Variants in MGAT4C observed in about 807,000 individuals in gnomAD.
MGAT4C encodes the protein alpha-1,3-mannosyl-glycoprotein 4-beta-N-acetylglucosaminyltransferase C.
Under a neutral mutation model 40.1 loss-of-function variants are expected in MGAT4C, and 19 were observed. That is an observed-to-expected ratio of 0.47 (90% CI 0.33 to 0.70). The LOEUF (loss-of-function observed/expected upper bound fraction) is 0.70. Among genes scored for constraint, MGAT4C ranks in the 30% least tolerant of loss-of-function variants. The probability of loss-of-function intolerance (pLI) is 0.02; values close to 1 mark genes in which losing one functional copy is unlikely to be tolerated. For synonymous variants in MGAT4C, 181 were observed against 187.1 expected, an observed-to-expected ratio of 0.97 and a Z score of 0.27; for missense variants, 491 against 563.2, an observed-to-expected ratio of 0.87 and a Z score of 1.30.
chr12:86,003,968 AT>A lies in MGAT4C; in HGVS notation c.-6-14417del, dbSNP rs1458889488. 5.8e-4 allele frequency among the ~76,000 whole-genome samples: 89 copies of A among 152,240 alleles called. 1 individual carries two copies. The highest frequency in any genetic ancestry group is 8.8e-5 in the Non-Finnish European group (6 of 68,010). On this transcript the variant is annotated intron_variant, in intron 2 of 4. Transcript: ENST00000611864. ...ATGTTAACCTTTACCATTGGCCTTG[AT>A]TATTTAAGAGAACTGAGAGCTTGCA...
intron 3 of MGAT4C, among the ~76,000 whole-genome samples, chr12:85,984,074 T>C (rs1884944426): frequency 6.6e-6 from 1 of 152,196 alleles, no homozygotes. Context: ...GTTCCCACCA[T>C]ATTGCCTGAT....
intron 2 of MGAT4C, among the ~76,000 whole-genome samples, chr12:86,506,530 A>C (rs181550874): frequency 6.6e-6 from 1 of 152,206 alleles, no homozygotes; most frequent in Non-Finnish European, 1.5e-5. Flanking sequence ...GGAAAGAGAA[A>C]GTAGATATTT....
chr12:86,709,259 T>TTTA (rs1477412533), intron 2 of MGAT4C, among the ~76,000 whole-genome samples: 5 of 152,154 alleles, frequency 3.3e-5, no homozygotes, highest in African/African-American at 1.2e-4. Context: ...CGTAACTTGC[T>TTTA]CCTCTTTACC....
chr12:86,806,714 T>C (rs948089011), intron 1 of MGAT4C, among the ~76,000 whole-genome samples: 1 of 151,912 alleles, frequency 6.6e-6, no homozygotes, highest in African/African-American at 2.4e-5. Context: ...TGTCTTCCTT[T>C]CTGGAGCTGG....
intron 3 of MGAT4C, among the ~76,000 whole-genome samples, chr12:86,355,660 A>G (rs1160205012): frequency 1.3e-5 from 2 of 152,188 alleles, no homozygotes; most frequent in Non-Finnish European, 2.9e-5. Context: ...CATAATGAAA[A>G]TATCCTTTAA....
At chr12:86,809,421 A>G (rs1216464215) in intron 1 of MGAT4C, among the ~76,000 whole-genome samples, 1 of 152,028 alleles carries the variant, frequency 6.6e-6, no homozygotes, top group Non-Finnish European at 1.5e-5. Flanking sequence ...TTTAGTTTGT[A>G]TAGTAATTAT....
chr12:86,401,721 A>T (rs1035278813), intron 3 of MGAT4C, among the ~76,000 whole-genome samples: 3 of 152,192 alleles, frequency 2.0e-5, no homozygotes, highest in Non-Finnish European at 4.4e-5. Flanking sequence ...CATTAGCAAC[A>T]TCTCCCAGAG....
At chr12:86,091,311 T>C (rs1213389464) in intron 1 of MGAT4C, among the ~76,000 whole-genome samples, 1 of 152,078 alleles carries the variant, frequency 6.6e-6, no homozygotes, top group Non-Finnish European at 1.5e-5. Context: ...CAACATTTCA[T>C]AACATGAATA....
Position 86,078,319 on chromosome 12 carries a change from G to T in MGAT4C, c.-56-28596C>A, listed in dbSNP as rs571769058. ...TTCAGGATGAAGGGGAACATGGTAA[G>T]ACCAGTGAATTCCATGAGCATGAGC... On this transcript the variant is annotated intron_variant, in intron 1 of 4. Transcript: ENST00000611864. Among the ~76,000 whole-genome samples the T allele has an allele frequency of 7.2e-5, 11 of 152,266 alleles. No individual in the cohort carries two copies. In the East Asian group the frequency reaches 2.1e-3, roughly 29 times the overall value.
intron 2 of MGAT4C, among the ~76,000 whole-genome samples, chr12:86,604,567 C>A (rs964720478): frequency 6.6e-6 from 1 of 152,090 alleles, no homozygotes; most frequent in Non-Finnish European, 1.5e-5. Context: ...TCCAAATGTA[C>A]GTATCTAACA....
intron 1 of MGAT4C, among the ~76,000 whole-genome samples, chr12:86,790,098 C>T (rs1449046003): frequency 6.6e-6 from 1 of 152,076 alleles, no homozygotes; most frequent in East Asian, 1.9e-4. Context: ...GAGTGCTTTT[C>T]TCCAGAAGAT....
intron 4 of MGAT4C, among the ~76,000 whole-genome samples, chr12:86,287,343 T>A (rs1159725833): frequency 6.6e-6 from 1 of 150,870 alleles, no homozygotes; most frequent in Non-Finnish European, 1.5e-5. Flanking sequence ...ATTTCTTTTT[T>A]TTCTTTATAC....
In MGAT4C at chr12:86,774,340, TG is replaced by T. The variant is rs1565981643; in HGVS notation, c.-261-47100del. Among the ~76,000 whole-genome samples the T allele has an allele frequency of 3.2e-3, 255 of 80,872 alleles. 4 individuals carry two copies. The highest frequency in any genetic ancestry group is 4.6e-3 in the Admixed American group (35 of 7,644). 53.1% of individuals were successfully genotyped at this position (80,872 alleles called of 152,430 possible). ...CTTTCTTTCTTTCTTTCTTTCTTTC[TG>T]TCTCTCTCTCTCCCCTCTCTCTCTC... On this transcript the variant is annotated intron_variant, in intron 1 of 7. Transcript: ENST00000548651.
chr12:86,156,533 C>A (rs1216227985), intron 1 of MGAT4C, among the ~76,000 whole-genome samples: 1 of 152,106 alleles, frequency 6.6e-6, no homozygotes, highest in Non-Finnish European at 1.5e-5. Context: ...GTTGGTCAGG[C>A]TGGTCTCAAA....
intron 1 of MGAT4C, among the ~76,000 whole-genome samples, chr12:86,127,260 T>C (rs1342531751): frequency 6.6e-6 from 1 of 152,182 alleles, no homozygotes; most frequent in Non-Finnish European, 1.5e-5. Flanking sequence ...CTAAATAGTG[T>C]AGACAGTTTT....
chr12:86,661,798 G>T (rs1244770882), intron 2 of MGAT4C, among the ~76,000 whole-genome samples: 1 of 152,042 alleles, frequency 6.6e-6, no homozygotes, highest in Non-Finnish European at 1.5e-5. Flanking sequence ...AATTAGCCGG[G>T]CGTGGTGGTG....
chr12:86,500,461 T>A (rs934287178), intron 2 of MGAT4C, among the ~76,000 whole-genome samples: 5 of 151,874 alleles, frequency 3.3e-5, no homozygotes, highest in African/African-American at 1.2e-4. Context: ...TTAAAAATTA[T>A]GCCAATAATT....
chr12:86,526,389 C>T (rs188804841), intron 2 of MGAT4C, among the ~76,000 whole-genome samples: 1 of 152,140 alleles, frequency 6.6e-6, no homozygotes, highest in Non-Finnish European at 1.5e-5. Context: ...AAGCAACACA[C>T]ACACACAAAG....
chr12:86,617,086 G>C (rs1226352275), intron 2 of MGAT4C, among the ~76,000 whole-genome samples: 1 of 152,014 alleles, frequency 6.6e-6, no homozygotes, highest in Admixed American at 6.5e-5. Context: ...ATTCCCTTAA[G>C]TCACTCTCCT....
Sources: allele counts gnomAD v4.1 joint callset (sites outside exome capture counted in the v4.1 genomes callset), GRCh38; gene constraint gnomAD v4.1.1; transcripts MANE v1.5; gene names NCBI Gene and HGNC (gene_info 2026-07-23, HGNC 2026-07-21).